Variants in SCFD2 observed in about 807,000 individuals in gnomAD.
SCFD2 encodes sec1 family domain-containing protein 2.
A neutral mutation model predicts 58.9 loss-of-function variants in SCFD2; 54 were observed. The observed-to-expected ratio is 0.92, with a 90% CI of 0.74 to 1.15. SCFD2 has a LOEUF of 1.15. SCFD2 is among the 50% of genes most tolerant of loss of function. SCFD2 has a pLI of 0.00. For synonymous variants in SCFD2, 321 were observed against 335.9 expected, an observed-to-expected ratio of 0.96 and a Z score of 0.49; for missense variants, 805 against 836.6, an observed-to-expected ratio of 0.96 and a Z score of 0.47.
intron 5 of SCFD2, among the ~76,000 whole-genome samples, chr4:52,959,761 T>C (rs974582966): frequency 6.6e-6 from 1 of 152,114 alleles, no homozygotes. Context: ...GCTAAAATAA[T>C]TTTCTTAAAG....
chr4:53,125,534 G>A (rs1725601845), intron 5 of SCFD2, among the ~76,000 whole-genome samples: 1 of 152,216 alleles, frequency 6.6e-6, no homozygotes, highest in Non-Finnish European at 1.5e-5. Flanking sequence ...CAAGTGCTCA[G>A]ACAAGCCAGT....
At chr4:53,084,204 T>C (rs964073199) in intron 5 of SCFD2, among the ~76,000 whole-genome samples, 1 of 152,126 alleles carries the variant, frequency 6.6e-6, no homozygotes, top group Non-Finnish European at 1.5e-5. Flanking sequence ...AGTGGCCGTT[T>C]ATGGACCTCC....
intron 3 of SCFD2, 94 bp downstream of exon 3, chr4:53,313,542 G>A: frequency 6.9e-7 from 1 of 1,459,530 alleles, no homozygotes; most frequent in South Asian, 1.2e-5. Flanking sequence ...TACTACTTTG[G>A]CCTAGATTCC....
intron 4 of SCFD2, among the ~76,000 whole-genome samples, chr4:53,197,681 C>G (rs1486224910): frequency 3.6e-5 from 5 of 139,500 alleles, no homozygotes; most frequent in Non-Finnish European, 7.6e-5. Flanking sequence ...ATTTCAAAAG[C>G]ATGAAGACTT....
chr4:53,203,463 A>G (rs1408975894), intron 4 of SCFD2, among the ~76,000 whole-genome samples: 1 of 152,148 alleles, frequency 6.6e-6, no homozygotes, highest in Admixed American at 6.6e-5. Flanking sequence ...CAAATGAAAC[A>G]TAGAAAAATA....
intron 4 of SCFD2, among the ~76,000 whole-genome samples, chr4:53,180,490 A>G (rs1467548386): frequency 6.6e-5 from 10 of 152,296 alleles, no homozygotes; most frequent in African/African-American, 1.9e-4. Context: ...TCTCTGGGAC[A>G]CATTCAAAGC....
At chr4:53,008,336 C>T (rs1722025204) in intron 5 of SCFD2, among the ~76,000 whole-genome samples, 1 of 152,176 alleles carries the variant, frequency 6.6e-6, no homozygotes, top group African/African-American at 2.4e-5. Context: ...GACACCCCCC[C>T]TTCCCCTCTC....
intron 5 of SCFD2, among the ~76,000 whole-genome samples, chr4:53,006,520 A>G (rs1263514833): frequency 1.3e-5 from 2 of 152,236 alleles, no homozygotes; most frequent in Non-Finnish European, 2.9e-5. Context: ...CTCCAGTCCA[A>G]GAATAAACAT....
Position 52,907,566 on chromosome 4 carries a change from T to C in SCFD2, c.1733A>G (p.Gln578Arg). Residue 578 changes from glutamine (Q) to arginine (R), a missense_variant, in exon 7 of 9, where the codon CAA becomes CGA. Around this residue, in one of 3 missense-constraint regions of SCFD2, gnomAD observed 633 missense variants for 646.8 expected, o/e 0.98. Transcript: ENST00000401642. ...GGGATGAAATATTTCCTCCACAACTTGCTTCAACAATGGCTTATAAGATGC... is the reference window on the plus strand; with the variant it reads ...GGGATGAAATATTTCCTCCACAACTCGCTTCAACAATGGCTTATAAGATGC... ...HQASYKPLLK[Q>R]VVEEIFHPER... The C allele has an allele frequency of 4.3e-6, 7 of 1,614,124 alleles. No individual in the cohort carries two copies. Among genetic ancestry groups the C allele is most frequent in the Non-Finnish European group, 5.9e-6 (7 of 1,179,982 alleles).
intron 5 of SCFD2, among the ~76,000 whole-genome samples, chr4:53,026,638 C>T (rs1722480166): frequency 6.6e-6 from 1 of 152,204 alleles, no homozygotes; most frequent in Admixed American, 6.5e-5. Flanking sequence ...CAAATCCATA[C>T]TGGCTTATCA....
At chr4:53,354,579 G>C (rs2149166685) in intron 1 of SCFD2, among the ~76,000 whole-genome samples, 1 of 152,322 alleles carries the variant, frequency 6.6e-6, no homozygotes, top group East Asian at 1.9e-4. Flanking sequence ...AGACACCGAG[G>C]CCGAGGAGGC....
At chr4:52,922,399 G>A (rs372755924) in intron 5 of SCFD2, among the ~76,000 whole-genome samples, 1 of 151,696 alleles carries the variant, frequency 6.6e-6, no homozygotes. Flanking sequence ...TGTCTCTGTG[G>A]ATTTACCTAT....
At chr4:52,998,515 T>A (rs1220198703) in intron 5 of SCFD2, among the ~76,000 whole-genome samples, 1 of 152,210 alleles carries the variant, frequency 6.6e-6, no homozygotes, top group African/African-American at 2.4e-5. Context: ...TCCACATTCA[T>A]GAAAATGAAA....
At position 53,352,350 on chromosome 4, in the gene SCFD2, C is replaced by A. The variant is rs181898997; in HGVS notation, c.1007+248G>T. Reference sequence around the variant, plus strand: ...ACATAAACTGATTCACTTAACCAATCCTGGGAACAAGCTTATATTACATGT... The same window carrying A: ...ACATAAACTGATTCACTTAACCAATACTGGGAACAAGCTTATATTACATGT... On this transcript the variant is annotated intron_variant, in intron 2 of 8. Coordinates refer to ENST00000401642, the MANE Select transcript of SCFD2 (RefSeq NM_152540.4). Among the ~76,000 whole-genome samples, 7 of 152,280 alleles carry A rather than the reference C, an allele frequency of 4.6e-5. No individual in the cohort carries two copies. In the East Asian group the frequency reaches 1.3e-3, roughly 29 times the overall value.
At chr4:52,976,022 G>T (rs1338237596) in intron 5 of SCFD2, among the ~76,000 whole-genome samples, 1 of 116,322 alleles carries the variant, frequency 8.6e-6, no homozygotes, top group Non-Finnish European at 1.7e-5. Flanking sequence ...GGGGCCTGTT[G>T]TGGGGTGGGG....
In SCFD2 at chr4:53,002,044, G is replaced by A. The variant is rs187678027; in HGVS notation, c.1562-81174C>T. 2.2e-4 allele frequency among the ~76,000 whole-genome samples: 33 copies of A among 152,246 alleles called. No individual in the cohort carries two copies. The East Asian group carries it at 5.6e-3, about 26-fold the overall frequency. On this transcript the variant is annotated intron_variant, in intron 5 of 8. Coordinates refer to ENST00000401642, the MANE Select transcript of SCFD2 (RefSeq NM_152540.4). Reference sequence around the variant, plus strand: ...ATAAATAACTATTCAATAATTATTGGATGTCCTGTAATAATCTGACAGCTT... The same window carrying A: ...ATAAATAACTATTCAATAATTATTGAATGTCCTGTAATAATCTGACAGCTT...
chr4:53,014,916 C>T (rs1722175566), intron 5 of SCFD2, among the ~76,000 whole-genome samples: 2 of 152,176 alleles, frequency 1.3e-5, no homozygotes, highest in Non-Finnish European at 2.9e-5. Flanking sequence ...AACGCATTAA[C>T]TCAGCATTCC....
chr4:53,355,887 G>A (rs752433217), intron 1 of SCFD2, among the ~76,000 whole-genome samples: 6 of 151,884 alleles, frequency 4.0e-5, no homozygotes, highest in East Asian at 3.9e-4. Context: ...CCCTTCTTTC[G>A]GCCTCTGTTC....
At chr4:52,979,562 A>G (rs1334436958) in intron 5 of SCFD2, among the ~76,000 whole-genome samples, 1 of 152,130 alleles carries the variant, frequency 6.6e-6, no homozygotes, top group African/African-American at 2.4e-5. Flanking sequence ...GCAATAACAC[A>G]AAATCAACAT....
Sources: gnomAD v4.1 joint callset for allele counts (sites outside exome capture counted in the v4.1 genomes callset) on GRCh38, gnomAD v4.1.1 for gene constraint, gnomAD v4.1.1 regional missense constraint, MANE v1.5 for transcripts, NCBI Gene and HGNC (gene_info 2026-07-23, HGNC 2026-07-21) for gene names.